The following WNT7A variants were observed in gnomAD, a reference collection of about 807,000 sequenced individuals.
WNT7A encodes the protein protein Wnt-7a.
In WNT7A, 16 loss-of-function variants were observed where a neutral mutation model predicts 28.2. The ratio of observed to expected loss-of-function variants is 0.57; its 90% confidence interval spans 0.38 to 0.86. The LOEUF is 0.86. Ranked by LOEUF, WNT7A falls within the 40% of genes least tolerant of loss-of-function variation. WNT7A has a pLI of 0.00. For synonymous variants in WNT7A, 190 were observed against 195.9 expected, an observed-to-expected ratio of 0.97 and a Z score of 0.25; for missense variants, 411 against 489.7, an observed-to-expected ratio of 0.84 and a Z score of 1.52.
intron 3 of WNT7A, among the ~76,000 whole-genome samples, chr3:13,842,387 C>T (rs1026318246): frequency 2.0e-5 from 3 of 151,644 alleles, no homozygotes; most frequent in Non-Finnish European, 4.4e-5. Context: ...GGTAAGGGGA[C>T]CGTTGTGCCA....
At chr3:13,854,844 C>T in intron 2 of WNT7A, 41 bp from the exon 3 acceptor site, 3 of 1,608,752 alleles carry the variant, frequency 1.9e-6, no homozygotes, top group South Asian at 2.2e-5. Flanking sequence ...GGGGTCAGGT[C>T]CCAAGCATCT....
chr3:13,864,360 C>T (rs1694878605), intron 2 of WNT7A, among the ~76,000 whole-genome samples: 1 of 152,186 alleles, frequency 6.6e-6, no homozygotes. Flanking sequence ...CTACGCTACG[C>T]CCTGCAGTCC....
At chr3:13,840,512 C>A (rs753228121) in intron 3 of WNT7A, among the ~76,000 whole-genome samples, 14 of 152,174 alleles carry the variant, frequency 9.2e-5, no homozygotes, top group Non-Finnish European at 1.9e-4. Flanking sequence ...GGTGATCTCA[C>A]TGGGAAAATG....
At chr3:13,879,589 G>A (rs755997326) in intron 1 of WNT7A, among the ~76,000 whole-genome samples, 157 bp downstream of exon 1, 17 of 152,010 alleles carry the variant, frequency 1.1e-4, no homozygotes, top group Non-Finnish European at 1.9e-4. Context: ...TCCTGCGGGG[G>A]GCCTTTGTGC....
chr3:13,864,066 A>G (rs1694873543), intron 2 of WNT7A, among the ~76,000 whole-genome samples: 1 of 152,084 alleles, frequency 6.6e-6, no homozygotes, highest in Non-Finnish European at 1.5e-5. Context: ...CCCTGGAAAA[A>G]TTCCGGCAGG....
rs1203878040 is a variant in WNT7A at position 13,847,992 on chromosome 3, TTAAAAA to T, written c.570+6534_570+6539del. 1.0e-3 allele frequency among the ~76,000 whole-genome samples: 153 copies of T among 152,120 alleles called. 1 individual carries two copies. Among genetic ancestry groups the T allele is most frequent in the African/African-American group, 3.6e-3 (148 of 41,478 alleles). The stretch of plus-strand genomic sequence containing the variant: ...TCATGCCAAGTATATTTTATCACAA[TTAAAAA>T]TAAATAAAAACGTAACATACAATTT... On this transcript the variant is annotated intron_variant, in intron 3 of 3. Coordinates refer to ENST00000285018, the MANE Select transcript of WNT7A (RefSeq NM_004625.4).
intron 3 of WNT7A, among the ~76,000 whole-genome samples, chr3:13,838,236 G>A (rs527663633): frequency 6.6e-6 from 1 of 152,284 alleles, no homozygotes; most frequent in East Asian, 1.9e-4. Flanking sequence ...CCAGGGCCCA[G>A]AGGGACGTGG....
intron 2 of WNT7A, among the ~76,000 whole-genome samples, chr3:13,859,914 G>A (rs1409462693): frequency 6.6e-6 from 1 of 152,188 alleles, no homozygotes; most frequent in African/African-American, 2.4e-5. Flanking sequence ...CTTTACAGAT[G>A]GGGGAACTGA....
intron 2 of WNT7A, among the ~76,000 whole-genome samples, chr3:13,859,420 T>A (rs1257230101): frequency 6.6e-6 from 1 of 152,198 alleles, no homozygotes; most frequent in East Asian, 1.9e-4. Flanking sequence ...GAGGTAGACA[T>A]CACCTGGCAC....
At chr3:13,823,022 T>C (rs1694137534) in intron 3 of WNT7A, among the ~76,000 whole-genome samples, 1 of 152,232 alleles carries the variant, frequency 6.6e-6, no homozygotes, top group Non-Finnish European at 1.5e-5. Context: ...TCCAGCCTGC[T>C]AGCCCTGCAC....
chr3:13,856,091 G>T (rs1694725245), intron 2 of WNT7A, among the ~76,000 whole-genome samples: 1 of 151,340 alleles, frequency 6.6e-6, no homozygotes, highest in African/African-American at 2.4e-5. Flanking sequence ...CCCTGCAGAA[G>T]GTAGGCCTGT....
chr3:13,819,504 C>G lies in WNT7A; in HGVS notation c.571-81G>C, dbSNP rs1575057545. The G allele has an allele frequency of 2.0e-6, 3 of 1,474,052 alleles. No homozygotes were observed. The East Asian group carries it at 7.4e-5, about 36-fold the overall frequency. 91.3% of individuals were successfully genotyped at this position (1,474,052 alleles called of 1,614,324 possible). A position where few individuals can be genotyped will look rare whatever the true frequency, so the allele number is the denominator to read the frequency against. On this transcript the variant is annotated intron_variant, in intron 3 of 3. Transcript: ENST00000285018. ...TGCAGCCCCCAGCTCCCCCCCGCCC[C>G]CCACCCCTGCCCCACCTATCTGGGT... is the stretch of plus-strand genomic sequence containing the variant.
chr3:13,834,428 C>T (rs768385999), intron 3 of WNT7A, among the ~76,000 whole-genome samples: 2 of 151,944 alleles, frequency 1.3e-5, no homozygotes, highest in Non-Finnish European at 2.9e-5. Context: ...GTCAGGTGCA[C>T]GCTGTGGGTT....
intron 3 of WNT7A, among the ~76,000 whole-genome samples, 194 bp downstream of exon 3, chr3:13,854,338 C>T (rs1694690353): frequency 6.6e-6 from 1 of 152,086 alleles, no homozygotes; most frequent in South Asian, 2.1e-4. Flanking sequence ...ATTATCCAAC[C>T]TCTTCAGTAA....
At position 13,818,049 on chromosome 3, in the gene WNT7A, CTAAG is replaced by C. The variant is rs973256852; in HGVS notation, c.*891_*894del. ...AACCAGGCATCGCCCCTCCTTACCC[CTAAG>C]TGAGTACCAGAATTAAGAAGAAGCA... is the stretch of plus-strand genomic sequence containing the variant. On this transcript the variant is annotated 3_prime_UTR_variant, in exon 4 of 4. Coordinates refer to ENST00000285018, the MANE Select transcript of WNT7A (RefSeq NM_004625.4). 5 of 152,318 alleles carry C rather than the reference CTAAG, an allele frequency of 3.3e-5. No individual in the cohort carries two copies. The highest frequency in any genetic ancestry group is 7.2e-5 in the African/African-American group (3 of 41,578). The allele number at this position is 152,318 out of a possible 1,614,324, so 9.4% of individuals were successfully genotyped here.
chr3:13,840,831 A>T (rs2124845071), intron 3 of WNT7A, among the ~76,000 whole-genome samples: 1 of 152,118 alleles, frequency 6.6e-6, no homozygotes, highest in South Asian at 2.1e-4. Context: ...ATCCATCTAT[A>T]TATCCATCCA....
chr3:13,861,691 G>A (rs929068792), intron 2 of WNT7A, among the ~76,000 whole-genome samples: 2 of 152,124 alleles, frequency 1.3e-5, no homozygotes, highest in African/African-American at 4.8e-5. Flanking sequence ...GAGCCAGGGC[G>A]GCACCGGAGG....
chr3:13,877,463 G>A (rs571443937), intron 1 of WNT7A, among the ~76,000 whole-genome samples: 1 of 152,336 alleles, frequency 6.6e-6, no homozygotes, highest in Admixed American at 6.5e-5. Flanking sequence ...TTTGTCAGGA[G>A]GACCCTCTGA....
At chr3:13,873,141 A>G (rs552083439) in intron 2 of WNT7A, among the ~76,000 whole-genome samples, 11 of 152,210 alleles carry the variant, frequency 7.2e-5, no homozygotes, top group African/African-American at 2.2e-4. Flanking sequence ...GCCACTCACT[A>G]TGTGACCCGG....
Sources: gnomAD v4.1 joint callset for allele counts (sites outside exome capture counted in the v4.1 genomes callset) on GRCh38, gnomAD v4.1.1 for gene constraint, MANE v1.5 for transcripts, NCBI Gene and HGNC (gene_info 2026-07-23, HGNC 2026-07-21) for gene names.